PTGER3: variants seen among roughly 807,000 people sequenced by gnomAD.
The protein encoded by PTGER3 is prostaglandin E receptor 3.
A neutral mutation model predicts 34.7 loss-of-function variants in PTGER3; 22 were observed. The ratio of observed to expected loss-of-function variants is 0.63; its 90% CI spans 0.45 to 0.91. The LOEUF (loss-of-function observed/expected upper bound fraction) is 0.91, where lower values mean the gene tolerates loss of function less well. Ranked by LOEUF, PTGER3 falls within the 40% of genes least tolerant of loss-of-function variation. PTGER3 has a pLI of 0.00. For missense variants in PTGER3, 468 were observed against 519.4 expected, an observed-to-expected ratio of 0.90 and a Z score of 0.96; for synonymous variants, 241 against 230.1, an observed-to-expected ratio of 1.05 and a Z score of -0.43.
chr1:71,045,367 A>G (rs1403040351), intron 1 of PTGER3, among the ~76,000 whole-genome samples: 1 of 152,230 alleles, frequency 6.6e-6, no homozygotes, highest in East Asian at 1.9e-4. Context: ...TTTTACCATA[A>G]TTAGGAAAGA....
At chr1:70,945,146 A>G (rs1017042794) in intron 4 of PTGER3, among the ~76,000 whole-genome samples, 2 of 152,162 alleles carry the variant, frequency 1.3e-5, no homozygotes, top group African/African-American at 4.8e-5. Flanking sequence ...CCCTACTGTT[A>G]TACATATTGC....
In PTGER3 at chr1:70,973,233, A is replaced by AGATAGATAGAT. The variant is rs1653310818; in HGVS notation, c.1169+1053_1169+1063dup. Among the ~76,000 whole-genome samples the AGATAGATAGAT allele has an allele frequency of 3.6e-3, 432 of 121,250 alleles. 5 individuals carry two copies. The highest frequency in any genetic ancestry group is 0.012 in the African/African-American group (411 of 33,816). The allele number at this position is 121,250 out of a possible 152,430, so 79.5% of individuals were successfully genotyped here. A position where few individuals can be genotyped will look rare whatever the true frequency, so the allele number is the denominator to read the frequency against. On this transcript the variant is annotated intron_variant, in intron 3 of 3. Coordinates refer to ENST00000306666, the MANE Select transcript of PTGER3 (RefSeq NM_198719.2). ...ATAGATAGATAGATGATAGATAGATAGATAGATAGATAGATAGATAGATAG... is the reference window on the plus strand; with the variant it reads ...ATAGATAGATAGATGATAGATAGATAGATAGATAGATGATAGATAGATAGATAGATAGATAG...
chr1:70,997,593 T>C (rs1235962976), intron 2 of PTGER3, among the ~76,000 whole-genome samples: 1 of 152,248 alleles, frequency 6.6e-6, no homozygotes, highest in South Asian at 2.1e-4. Flanking sequence ...GTAATTGCTG[T>C]AGCTCTTTTT....
intron 4 of PTGER3, among the ~76,000 whole-genome samples, chr1:70,857,575 G>A (rs1289597135): frequency 1.3e-5 from 2 of 151,790 alleles, no homozygotes; most frequent in African/African-American, 4.8e-5. Flanking sequence ...TCACTCTGTC[G>A]CCCAGGCTGG....
intron 4 of PTGER3, among the ~76,000 whole-genome samples, chr1:70,853,824 C>T (rs534438294): frequency 2.4e-4 from 36 of 152,232 alleles, no homozygotes; most frequent in Admixed American, 1.2e-3. Flanking sequence ...CCCTTGTGCA[C>T]GCACTCAATC....
chr1:70,892,184 T>C (rs1453886022), intron 4 of PTGER3, among the ~76,000 whole-genome samples: 2 of 152,210 alleles, frequency 1.3e-5, no homozygotes, highest in African/African-American at 2.4e-5. Context: ...CAGACCTGCA[T>C]TTCAAACCCA....
chr1:70,984,663 G>A (rs1371898778), intron 2 of PTGER3, among the ~76,000 whole-genome samples: 1 of 150,478 alleles, frequency 6.6e-6, no homozygotes, highest in African/African-American at 2.5e-5. Context: ...GGAGTTAGAA[G>A]ATGCAGTGAA....
chr1:70,971,247 T>G lies in PTGER3; in HGVS notation c.*483A>C. On this transcript the variant is annotated 3_prime_UTR_variant, in exon 4 of 4. Transcript: ENST00000306666. ...CGATTCCCTCCTGCCCTCATTTGCT[T>G]TTATATGTCGTTAAGTTCATATCCT... 1.0e-6 allele frequency: 1 copy of G among 985,574 alleles called. No homozygotes were observed. Among genetic ancestry groups the G allele is most frequent in the Non-Finnish European group, 1.2e-6 (1 of 830,034 alleles). The allele number at this position is 985,574 out of a possible 1,614,324, so 61.1% of individuals were successfully genotyped here.
intron 2 of PTGER3, chr1:71,007,031 A>G: frequency 1.0e-6 from 1 of 985,320 alleles, no homozygotes. Flanking sequence ...AAAACATACT[A>G]GAAGATATAT....
At chr1:70,915,186 T>C (rs1647147506) in intron 4 of PTGER3, among the ~76,000 whole-genome samples, 1 of 151,954 alleles carries the variant, frequency 6.6e-6, no homozygotes, top group Non-Finnish European at 1.5e-5. Context: ...TTGCCATTGG[T>C]ATGTGAGCTT....
chr1:70,976,128 A>C (rs1447853406), intron 2 of PTGER3, among the ~76,000 whole-genome samples: 2 of 148,530 alleles, frequency 1.3e-5, no homozygotes, highest in African/African-American at 2.5e-5. Flanking sequence ...AAAAAAAAAA[A>C]CCTAAAGTAA....
chr1:71,039,644 T>C (rs1269889923), intron 1 of PTGER3, among the ~76,000 whole-genome samples: 5 of 112,188 alleles, frequency 4.5e-5, no homozygotes, highest in African/African-American at 7.7e-5. Flanking sequence ...AGCGAGACTC[T>C]GTCTCAAAAA....
rs539192274 is a variant in PTGER3 at position 71,046,780 on chromosome 1, T to C, written c.798A>G (p.Ala266=). ...GGCCCCACTGGGCACTGGACTGAGA[T>C]GCCGTGGCCTTGGCCCGGCAGCGGG... ...LVSRCRAKAT[A]SQSSAQWGRI... The change falls in exon 1 of 4, where the codon GCA becomes GCG. Residue 266 remains alanine (A), a synonymous_variant. Coordinates refer to ENST00000306666, the MANE Select transcript of PTGER3 (RefSeq NM_198719.2). 2 of 1,614,026 alleles carry C rather than the reference T, an allele frequency of 1.2e-6. No individual in the cohort carries two copies. The highest frequency in any genetic ancestry group is 1.1e-5 in the South Asian group (1 of 91,074).
At chr1:70,996,639 T>TTTTATTTATTTATTTATTTATTTATTTA (rs763272005) in intron 2 of PTGER3, among the ~76,000 whole-genome samples, 25 of 122,748 alleles carry the variant, frequency 2.0e-4, no homozygotes, top group East Asian at 7.7e-4. Flanking sequence ...TTTTTTGTAT[T>TTTTATTTATTTATTTATTTATTTATTTA]TTTATTTATT....
chr1:70,929,696 C>T (rs1236536191), intron 4 of PTGER3, among the ~76,000 whole-genome samples: 3 of 152,238 alleles, frequency 2.0e-5, no homozygotes, highest in African/African-American at 7.2e-5. Flanking sequence ...TACTGACGAA[C>T]GATGGAGAAA....
At chr1:70,996,907 C>T (rs1020693074) in intron 2 of PTGER3, among the ~76,000 whole-genome samples, 2 of 152,120 alleles carry the variant, frequency 1.3e-5, no homozygotes, top group Non-Finnish European at 2.9e-5. Context: ...CGTGATCCGC[C>T]CGCCTTGGCC....
At chr1:70,867,750 A>AT (rs1646073999) in intron 4 of PTGER3, among the ~76,000 whole-genome samples, 1 of 152,158 alleles carries the variant, frequency 6.6e-6, no homozygotes, top group African/African-American at 2.4e-5. Flanking sequence ...GTCTGGAAAG[A>AT]TAAAAATCCT....
At chr1:71,007,998 A>G (rs956928609) in intron 2 of PTGER3, 1 of 985,304 alleles carries the variant, frequency 1.0e-6, no homozygotes, top group Non-Finnish European at 1.2e-6. Context: ...CAGACTTACT[A>G]CACAACAGAT....
intron 2 of PTGER3, chr1:71,006,374 A>G (rs1656965512): frequency 1.0e-6 from 1 of 985,340 alleles, no homozygotes; most frequent in Admixed American, 6.1e-5. Flanking sequence ...AGTGACCTCA[A>G]TAAGTACATG....
Sources: allele counts gnomAD v4.1 joint callset (sites outside exome capture counted in the v4.1 genomes callset), GRCh38; gene constraint gnomAD v4.1.1; transcripts MANE v1.5; gene names NCBI Gene and HGNC (gene_info 2026-07-23, HGNC 2026-07-21).